Variants in MTUS2 observed in about 807,000 individuals in gnomAD.
MTUS2 encodes the protein microtubule-associated tumor suppressor candidate 2.
Under a neutral mutation model 114.1 loss-of-function variants are expected in MTUS2, and 40 were observed. The ratio of observed to expected loss-of-function variants is 0.35; its 90% confidence interval spans 0.27 to 0.46. MTUS2 has a LOEUF of 0.46. MTUS2 is among the 20% of genes least tolerant of loss of function. The pLI, the probability that MTUS2 is intolerant of heterozygous loss-of-function variation, is 1.00. For missense variants in MTUS2, 1,679 were observed against 1,705.4 expected, an observed-to-expected ratio of 0.98 and a Z score of 0.27; for synonymous variants, 688 against 672.0, an observed-to-expected ratio of 1.02 and a Z score of -0.37.
chr13:29,261,378 G>C (rs1363360832), intron 5 of MTUS2, among the ~76,000 whole-genome samples: 1 of 152,140 alleles, frequency 6.6e-6, no homozygotes, highest in Non-Finnish European at 1.5e-5. Flanking sequence ...AAGGGTTTAG[G>C]GCTCAGGTAC....
chr13:29,385,341 TGTTTCACAC>T (rs1214064471), intron 8 of MTUS2, among the ~76,000 whole-genome samples: 20 of 152,186 alleles, frequency 1.3e-4, no homozygotes, highest in Admixed American at 3.3e-4. Flanking sequence ...GGGTGCTCGG[TGTTTCACAC>T]CTGCAGATTC....
intron 5 of MTUS2, among the ~76,000 whole-genome samples, chr13:29,277,962 A>G (rs902363056): frequency 2.6e-5 from 4 of 152,178 alleles, no homozygotes; most frequent in African/African-American, 7.2e-5. Flanking sequence ...AACTTTTGCT[A>G]TGTTAAGTAC....
At chr13:29,189,882 A>C (rs7325573) in intron 5 of MTUS2, among the ~76,000 whole-genome samples, 3,739 of 152,228 alleles carry the variant, frequency 0.025, 153 homozygotes, top group African/African-American at 0.085. Context: ...CAATAGGATA[A>C]TATTTGGAGG....
chr13:29,480,329 C>A lies in MTUS2; in HGVS notation c.3364C>A (p.Gln1122Lys). 6.5e-7 allele frequency: 1 copy of A among 1,549,764 alleles called. No homozygotes were observed. The highest frequency in any genetic ancestry group is 8.7e-7 in the Non-Finnish European group (1 of 1,146,260). Reference sequence around the variant, plus strand: ...GCGCCTGCAGGAGGAGCACGGTGACCAGCTGCTGAGCATCCGGTGTCAACA... The same window carrying A: ...GCGCCTGCAGGAGGAGCACGGTGACAAGCTGCTGAGCATCCGGTGTCAACA... ...MARLQEEHGD[Q>K]LLSIRCQHQE... Residue 1122 changes from glutamine to lysine, a missense_variant, in exon 10 of 16, where the codon CAG becomes AAG. Physicochemically the swap from Gln to Lys is moderately conservative, Grantham distance 53. This residue lies in a region of MTUS2 where 822 missense variants were observed against 899.7 expected (regional missense o/e 0.91). Coordinates refer to ENST00000612955, the MANE Select transcript of MTUS2 (RefSeq NM_001033602.4). This position sits in a 1 kb window ranked among gnomAD's most constrained non-coding sequence, Gnocchi z 4.4.
chr13:28,933,175 C>G (rs1458910634), intron 2 of MTUS2, among the ~76,000 whole-genome samples: 1 of 150,422 alleles, frequency 6.6e-6, no homozygotes, highest in African/African-American at 2.5e-5. Context: ...ATTGATTGAT[C>G]TGTTAACTTA....
intron 2 of MTUS2, among the ~76,000 whole-genome samples, chr13:28,953,200 T>C (rs1187741051): frequency 6.6e-6 from 1 of 151,614 alleles, no homozygotes; most frequent in Non-Finnish European, 1.5e-5. Flanking sequence ...TTCTACTGAG[T>C]TGCTTTTCTA....
At chr13:29,291,223 A>C (rs1898699452) in intron 6 of MTUS2, among the ~76,000 whole-genome samples, 1 of 152,042 alleles carries the variant, frequency 6.6e-6, no homozygotes, top group Admixed American at 6.6e-5. Context: ...CCTCTCTCCT[A>C]GTTTCGTCTC....
chr13:29,164,359 A>G (rs1893227201), intron 5 of MTUS2, among the ~76,000 whole-genome samples: 1 of 152,206 alleles, frequency 6.6e-6, no homozygotes, highest in African/African-American at 2.4e-5. Flanking sequence ...TGAAGTCAGC[A>G]GCACTGTGCA....
chr13:29,237,367 G>A (rs1191859814), intron 5 of MTUS2, among the ~76,000 whole-genome samples: 1 of 152,058 alleles, frequency 6.6e-6, no homozygotes, highest in Non-Finnish European at 1.5e-5. Flanking sequence ...TAGATTTCCT[G>A]AGTCCCAACA....
intron 11 of MTUS2, among the ~76,000 whole-genome samples, chr13:29,488,559 G>T (rs902720351): frequency 6.7e-6 from 1 of 150,058 alleles, no homozygotes; most frequent in Non-Finnish European, 1.5e-5. Context: ...TCCAGCCCCA[G>T]CTGGAGCCTC....
At chr13:28,847,833 C>T (rs184211445) in intron 2 of MTUS2, among the ~76,000 whole-genome samples, 2 of 152,268 alleles carry the variant, frequency 1.3e-5, no homozygotes, top group Middle Eastern at 3.4e-3. Context: ...ATGGACCTCA[C>T]ATAGATGCAG....
intron 2 of MTUS2, among the ~76,000 whole-genome samples, chr13:28,975,283 A>G (rs1884036737): frequency 6.6e-6 from 1 of 152,236 alleles, no homozygotes; most frequent in South Asian, 2.1e-4. Context: ...ATCACTTCAG[A>G]GCTGTCCTTA....
At chr13:28,957,597 A>G (rs1883131669) in intron 2 of MTUS2, among the ~76,000 whole-genome samples, 1 of 152,200 alleles carries the variant, frequency 6.6e-6, no homozygotes. Context: ...GAGGATTTAA[A>G]GTATACAGGA....
chr13:28,982,263 TG>T (rs1884391460), intron 2 of MTUS2, among the ~76,000 whole-genome samples: 1 of 151,818 alleles, frequency 6.6e-6, no homozygotes, highest in Non-Finnish European at 1.5e-5. Context: ...ATCAGAAGAA[TG>T]CTCAACATCA....
At chr13:28,994,562 G>T (rs1885007083) in intron 2 of MTUS2, among the ~76,000 whole-genome samples, 1 of 152,176 alleles carries the variant, frequency 6.6e-6, no homozygotes. Flanking sequence ...TCCAGCACCT[G>T]TTGTTTCCTG....
intron 5 of MTUS2, among the ~76,000 whole-genome samples, chr13:29,220,925 G>A (rs1425754534): frequency 6.6e-6 from 1 of 152,226 alleles, no homozygotes; most frequent in Admixed American, 6.5e-5. Flanking sequence ...TGCCTGTGTA[G>A]TGTTCTGGTG....
intron 5 of MTUS2, among the ~76,000 whole-genome samples, chr13:29,245,443 A>G (rs7490816): frequency 6.6e-6 from 1 of 152,282 alleles, no homozygotes; most frequent in African/African-American, 2.4e-5. Context: ...GAAGGGAGGT[A>G]TTTCCCAAAG....
At chr13:28,866,274 T>C (rs188760049) in intron 2 of MTUS2, among the ~76,000 whole-genome samples, 95 of 152,294 alleles carry the variant, frequency 6.2e-4, no homozygotes, top group Admixed American at 3.7e-3. Flanking sequence ...TAAATGTCAG[T>C]TGAACCATGG....
chr13:29,134,683 C>T (rs998874857), intron 5 of MTUS2, among the ~76,000 whole-genome samples: 3 of 152,162 alleles, frequency 2.0e-5, no homozygotes, highest in South Asian at 2.1e-4. Flanking sequence ...CTGCAACTTC[C>T]GCCTCCCGAG....
Sources: gnomAD v4.1 joint callset for allele counts (sites outside exome capture counted in the v4.1 genomes callset) on GRCh38, gnomAD v4.1.1 for gene constraint, gnomAD v4.1.1 regional missense constraint, Gnocchi (gnomAD v3.1) non-coding constraint, MANE v1.5 for transcripts, NCBI Gene and HGNC (gene_info 2026-07-23, HGNC 2026-07-21) for gene names.